The following PHC2 variants were observed in gnomAD, a reference collection of about 807,000 sequenced individuals.
PHC2 encodes polyhomeotic homolog 2.
Under a neutral mutation model 87.4 loss-of-function variants are expected in PHC2, and 29 were observed. The ratio of observed to expected loss-of-function variants is 0.33; its 90% CI spans 0.25 to 0.45. PHC2 has a LOEUF of 0.45. Ranked by LOEUF, PHC2 falls within the 20% of genes least tolerant of loss-of-function variation. The pLI, the probability that PHC2 is intolerant of heterozygous loss-of-function variation, is 1.00. For synonymous variants in PHC2, 438 were observed against 461.7 expected (o/e 0.95, Z 0.66); for missense variants, 857 against 1,136.7 (o/e 0.75, Z 3.54).
chr1:33,374,171 TGTA>T (rs1648027223), intron 2 of PHC2, among the ~76,000 whole-genome samples: 1 of 152,104 alleles, frequency 6.6e-6, no homozygotes, highest in Non-Finnish European at 1.5e-5. Context: ...GTCCAGCCCA[TGTA>T]GTTGAGATCC....
intron 1 of PHC2, among the ~76,000 whole-genome samples, chr1:33,383,627 G>A (rs1447289903): frequency 1.3e-5 from 2 of 152,250 alleles, no homozygotes; most frequent in Non-Finnish European, 2.9e-5. Context: ...GCCACACTGT[G>A]CAGATGCTGA....
chr1:33,354,606 T>G, intron 8 of PHC2, 40 bp from the exon 9 acceptor site: 3 of 1,582,550 alleles, frequency 1.9e-6, no homozygotes, highest in Non-Finnish European at 2.6e-6. Context: ...CTCTCAGAAA[T>G]AGCCTTTGCA....
Position 33,349,119 on chromosome 1 carries a change from T to A in PHC2, c.1558+5282A>T. On this transcript the variant is annotated intron_variant, in intron 9 of 14. Transcript: ENST00000683057. The surrounding 1 kb of genome is among the most constrained non-coding windows in gnomAD (Gnocchi z 4.2). The stretch of plus-strand genomic sequence containing the variant: ...ATGGAAGAAAAGACACAGAACAGCT[T>A]GTCCCTTTCCATCCAATTAAAAACC... 1 of 985,356 alleles carries A rather than the reference T, an allele frequency of 1.0e-6. No homozygotes were observed. The highest frequency in any genetic ancestry group is 1.2e-6 in the Non-Finnish European group (1 of 829,872). The allele number at this position is 985,356 out of a possible 1,614,324, so 61.0% of individuals were successfully genotyped here.
At chr1:33,339,784 A>G (rs1352203716) in intron 9 of PHC2, among the ~76,000 whole-genome samples, 2 of 152,228 alleles carry the variant, frequency 1.3e-5, no homozygotes, top group African/African-American at 4.8e-5. Flanking sequence ...AATGCCTGGG[A>G]CCAGAAGTGT....
At chr1:33,380,987 C>T (rs912520189) in intron 1 of PHC2, among the ~76,000 whole-genome samples, 4 of 152,290 alleles carry the variant, frequency 2.6e-5, no homozygotes, top group Admixed American at 6.5e-5. Flanking sequence ...GTTTCACTCA[C>T]GCTATTCCCC....
In PHC2 at chr1:33,332,279, C is replaced by G; in HGVS notation, c.1887G>C (p.Leu629=). Residue 629 remains leucine, a synonymous_variant, in exon 11 of 15, where the codon CTG becomes CTC. Coordinates refer to ENST00000683057, the MANE Select transcript of PHC2 (RefSeq NM_001385109.1). The surrounding 1 kb of genome is among the most constrained non-coding windows in gnomAD (Gnocchi z 4.2). Reference sequence around the variant, plus strand: ...TTCAGGGTCTGAGATGCCCACCTTGCAGATAGGGCTCCTCCATCTCCGAGT... The same window carrying G: ...TTCAGGGTCTGAGATGCCCACCTTGGAGATAGGGCTCCTCCATCTCCGAGT... ...TTDSEMEEPY[L]QESKEEGAPL... The G allele has an allele frequency of 6.2e-7, 1 of 1,614,142 alleles. No individual in the cohort carries two copies. Among genetic ancestry groups the G allele is most frequent in the Non-Finnish European group, 8.5e-7 (1 of 1,180,000 alleles).
chr1:33,421,442 T>C (rs1557849889), intron 1 of PHC2, among the ~76,000 whole-genome samples: 1 of 152,154 alleles, frequency 6.6e-6, no homozygotes, highest in Non-Finnish European at 1.5e-5. Context: ...ATGCATTCTC[T>C]ACAGGAACTT....
intron 1 of PHC2, among the ~76,000 whole-genome samples, chr1:33,387,235 T>C (rs1448142349): frequency 6.6e-6 from 1 of 152,184 alleles, no homozygotes; most frequent in Non-Finnish European, 1.5e-5. Context: ...TCATGAACAC[T>C]AGCATTGAGA....
In PHC2 at chr1:33,372,403, C is replaced by A; in HGVS notation, c.219G>T (p.Gln73His). 1 of 1,606,410 alleles carries A rather than the reference C, an allele frequency of 6.2e-7. No homozygotes were observed. Among genetic ancestry groups the A allele is most frequent in the Non-Finnish European group, 8.5e-7 (1 of 1,175,690 alleles). Residue 73 changes from glutamine (Q) to histidine (H), a missense_variant, in exon 3 of 15, where the codon CAG (glutamine) becomes CAT (histidine). Physicochemically the swap from Gln to His is conservative, Grantham distance 24. Transcript: ENST00000683057. ...ALHRQPSTAA[Q>H]YLQQMYAAQQ... ...GGGCGGCGTACATCTGCTGCAGGTA[C>A]TGAGCGGCCGTGCTGGGCTGTCTGT...
intron 1 of PHC2, among the ~76,000 whole-genome samples, chr1:33,418,239 A>G (rs1006686604): frequency 6.6e-6 from 1 of 152,120 alleles, no homozygotes; most frequent in Non-Finnish European, 1.5e-5. Context: ...AAACAATGAA[A>G]TAGAACACAG....
In PHC2 at chr1:33,324,369, GGGA is replaced by G. The variant is rs1340672896; in HGVS notation, c.*493_*495del. 1 of 153,598 alleles carries G rather than the reference GGGA, an allele frequency of 6.5e-6. No individual in the cohort carries two copies. Among genetic ancestry groups the G allele is most frequent in the Admixed American group, 6.5e-5 (1 of 15,320 alleles). 9.5% of individuals were successfully genotyped at this position (153,598 alleles called of 1,614,324 possible). On this transcript the variant is annotated 3_prime_UTR_variant, in exon 15 of 15. Coordinates refer to ENST00000683057, the MANE Select transcript of PHC2 (RefSeq NM_001385109.1). Reference sequence around the variant, plus strand: ...CTCTCCACCTGCAGAGGGTGTAGGGGGGAGAACCCTGGCTGCTGCAGAAACAGG... The same window carrying G: ...CTCTCCACCTGCAGAGGGTGTAGGGGGAACCCTGGCTGCTGCAGAAACAGG...
At chr1:33,357,045 A>T (rs1647103580) in intron 7 of PHC2, among the ~76,000 whole-genome samples, 1 of 152,266 alleles carries the variant, frequency 6.6e-6, no homozygotes, top group Non-Finnish European at 1.5e-5. Flanking sequence ...GTCTTTGCAC[A>T]GATCACTCTC....
In PHC2 at chr1:33,367,377, C is replaced by G. The variant is rs1361770546; in HGVS notation, c.715G>C (p.Gly239Arg). The G allele has an allele frequency of 1.2e-6, 2 of 1,604,700 alleles. No homozygotes were observed. Among genetic ancestry groups the G allele is most frequent in the Non-Finnish European group, 1.7e-6 (2 of 1,173,536 alleles). The change falls in exon 7 of 15, where the codon GGC becomes CGC. Residue 239 changes from glycine (G) to arginine (R), a missense_variant. Gly to Arg is a moderately radical substitution (Grantham distance 125, BLOSUM62 -2). Coordinates refer to ENST00000683057, the MANE Select transcript of PHC2 (RefSeq NM_001385109.1). The stretch of plus-strand genomic sequence containing the variant: ...AGGACAGGCTGAGTGGGGGTGGGGC[C>G]CGAGGCTGCTGCCGCTGGTGTCTGC... ...TQQTPAAAAS[G>R]PTPTQPVLPS...
chr1:33,356,947 C>T lies in PHC2; in HGVS notation c.977-1694G>A, dbSNP rs977780388. Among the ~76,000 whole-genome samples the T allele has an allele frequency of 4.6e-5, 7 of 152,284 alleles. No homozygotes were observed. The South Asian group carries it at 1.0e-3, about 23-fold the overall frequency. On this transcript the variant is annotated intron_variant, in intron 7 of 14. Transcript: ENST00000683057. Reference sequence around the variant, plus strand: ...CCCCCCACCTCCCTCCCGGACGGGGCGAAAATTCTTATATTTTTTAGTATC... The same window carrying T: ...CCCCCCACCTCCCTCCCGGACGGGGTGAAAATTCTTATATTTTTTAGTATC...
At chr1:33,390,505 C>T (rs1399082076) in intron 1 of PHC2, among the ~76,000 whole-genome samples, 1 of 152,156 alleles carries the variant, frequency 6.6e-6, no homozygotes, top group Non-Finnish European at 1.5e-5. Context: ...TTTGGATTCC[C>T]ACAACACTTG....
At chr1:33,345,932 G>C in intron 9 of PHC2, 1 of 985,070 alleles carries the variant, frequency 1.0e-6, no homozygotes, top group Non-Finnish European at 1.2e-6. Flanking sequence ...ACCTCTGTTT[G>C]AGTTGTGAAT....
chr1:33,413,933 C>T lies in PHC2; in HGVS notation c.-55+17043G>A, dbSNP rs757638726. On this transcript the variant is annotated intron_variant, in intron 1 of 14. Coordinates refer to ENST00000683057, the MANE Select transcript of PHC2 (RefSeq NM_001385109.1). Reference sequence around the variant, plus strand: ...TGTTGTGTTTGTGGTCTACTGACAACTGAGTTATGGTGCTACTGAGGGTAA... The same window carrying T: ...TGTTGTGTTTGTGGTCTACTGACAATTGAGTTATGGTGCTACTGAGGGTAA... Among the ~76,000 whole-genome samples, 4 of 152,132 alleles carry T rather than the reference C, an allele frequency of 2.6e-5. No individual in the cohort carries two copies. In the East Asian group the frequency reaches 7.7e-4, roughly 29 times the overall value.
rs1028492243 is a variant in PHC2, at chr1:33,369,344, G to A, written c.577-722C>T. The stretch of plus-strand genomic sequence containing the variant: ...GCTTTCCCTAGAACTCTGCGATAGC[G>A]CAGCTGTGCTTTTTCCTCTGTGGGT... On this transcript the variant is annotated intron_variant, in intron 5 of 14. Coordinates refer to ENST00000683057, the MANE Select transcript of PHC2 (RefSeq NM_001385109.1). This position sits in a 1 kb window ranked among gnomAD's most constrained non-coding sequence, Gnocchi z 4.7. 2.6e-5 allele frequency among the ~76,000 whole-genome samples: 4 copies of A among 152,178 alleles called. No individual in the cohort carries two copies. Among genetic ancestry groups the A allele is most frequent in the East Asian group, 3.9e-4 (2 of 5,182 alleles).
At chr1:33,363,863 A>T (rs1409160868) in intron 7 of PHC2, 6 of 985,188 alleles carry the variant, frequency 6.1e-6, no homozygotes, top group Middle Eastern at 5.2e-4. Flanking sequence ...GCCAGGCCCA[A>T]GGGACCCCTG....
Sources: allele counts gnomAD v4.1 joint callset (sites outside exome capture counted in the v4.1 genomes callset), GRCh38; gene constraint gnomAD v4.1.1; non-coding constraint Gnocchi (gnomAD v3.1); transcripts MANE v1.5; gene names NCBI Gene and HGNC (gene_info 2026-07-23, HGNC 2026-07-21).